The following ALDH4A1 variants were observed in gnomAD, a reference collection of about 807,000 sequenced individuals.
The protein encoded by ALDH4A1 is delta-1-pyrroline-5-carboxylate dehydrogenase, mitochondrial.
Under a neutral mutation model 70.5 loss-of-function variants are expected in ALDH4A1, and 46 were observed. The ratio of observed to expected loss-of-function variants is 0.65; its 90% CI spans 0.51 to 0.83. ALDH4A1 has a LOEUF of 0.83. ALDH4A1 is among the 40% of genes least tolerant of loss of function. The pLI is 0.00. For synonymous variants in ALDH4A1, 323 were observed against 324.3 expected, an observed-to-expected ratio of 1.00 and a Z score of 0.04; for missense variants, 749 against 766.5, an observed-to-expected ratio of 0.98 and a Z score of 0.27.
rs1027714012 is a variant in ALDH4A1, at chr1:18,898,013, A to C, written c.62+4449T>G. On this transcript the variant is annotated intron_variant, in intron 1 of 14. Coordinates refer to ENST00000375341, the MANE Select transcript of ALDH4A1 (RefSeq NM_003748.4). This position sits in a 1 kb window ranked among gnomAD's most constrained non-coding sequence, Gnocchi z 4.3. ...GTCTTTTCCATCCCCTGAGGTGAGCAGGGTCAAAACCCTAACAGAAGGTCG... is the reference window on the plus strand; with the variant it reads ...GTCTTTTCCATCCCCTGAGGTGAGCCGGGTCAAAACCCTAACAGAAGGTCG... 1.3e-5 allele frequency among the ~76,000 whole-genome samples: 2 copies of C among 152,216 alleles called. No homozygotes were observed. Among genetic ancestry groups the C allele is most frequent in the African/African-American group, 2.4e-5 (1 of 41,546 alleles).
Position 18,890,095 on chromosome 1 carries a change from TC to T in ALDH4A1, c.72del (p.Trp24Ter), listed in dbSNP as rs2100593635. ...GCCACCTTCAGGGAGGAGGTGTGCT[TC>T]CACCGCAGGCTGGAACACAAGGGCA... The part of the protein sequence containing the change: ...SRPWTGAGLR[W>X]KHTSSLKVAN... On this transcript the variant is annotated frameshift_variant, in exon 2 of 15. Coordinates refer to ENST00000375341, the MANE Select transcript of ALDH4A1 (RefSeq NM_003748.4). LOFTEE classifies it high-confidence loss of function. 6.2e-7 allele frequency: 1 copy of T among 1,611,842 alleles called. No homozygotes were observed. Among genetic ancestry groups the T allele is most frequent in the South Asian group, 1.1e-5 (1 of 90,616 alleles).
intron 11 of ALDH4A1, 35 bp downstream of exon 11, chr1:18,877,173 C>T (rs1249744105): frequency 3.8e-6 from 6 of 1,598,156 alleles, no homozygotes; most frequent in Non-Finnish European, 5.1e-6. Flanking sequence ...CCAGGGCTTG[C>T]CCCCACCCAG....
chr1:18,877,790 C>A (rs1934782923), intron 9 of ALDH4A1, among the ~76,000 whole-genome samples, 178 bp from the exon 10 acceptor site: 2 of 152,198 alleles, frequency 1.3e-5, no homozygotes, highest in African/African-American at 4.8e-5. Flanking sequence ...ACGGGCCAGG[C>A]CCATTCTCCC....
At chr1:18,893,396 C>T (rs767130401) in intron 1 of ALDH4A1, among the ~76,000 whole-genome samples, 12 of 152,310 alleles carry the variant, frequency 7.9e-5, no homozygotes, top group African/African-American at 2.9e-4. Flanking sequence ...CATCCACACC[C>T]GATGGCAATT....
intron 1 of ALDH4A1, among the ~76,000 whole-genome samples, chr1:18,901,512 C>T (rs1329420256): frequency 6.6e-6 from 1 of 152,228 alleles, no homozygotes; most frequent in Non-Finnish European, 1.5e-5. Flanking sequence ...CTGTGTCCCA[C>T]CTACCTCTCC....
At position 18,876,479 on chromosome 1, in the gene ALDH4A1, A is replaced by G. The variant is rs937694713; in HGVS notation, c.1186-12T>C. ...ATACGGGCAAAGGACTGGGGTGGGC[A>G]GGGAGGAGGGAGGTCTAAGAGGCTG... On this transcript the variant is annotated splice_polypyrimidine_tract_variant and intron_variant, in intron 11 of 14. Coordinates refer to ENST00000375341, the MANE Select transcript of ALDH4A1 (RefSeq NM_003748.4). The G allele has an allele frequency of 3.2e-6, 5 of 1,572,624 alleles. No individual in the cohort carries two copies. Among genetic ancestry groups the G allele is most frequent in the Non-Finnish European group, 4.3e-6 (5 of 1,163,440 alleles).
Position 18,885,427 on chromosome 1 carries a change from T to TTCC in ALDH4A1, c.453+45_453+46insGGA. The stretch of plus-strand genomic sequence containing the variant: ...CTGCCATGGGTAGGGCACACCTGAC[T>TTCC]CCCACCCCACCCCGCCCCACCCACC... On this transcript the variant is annotated intron_variant, in intron 5 of 14. Coordinates refer to ENST00000375341, the MANE Select transcript of ALDH4A1 (RefSeq NM_003748.4). 8.0e-5 allele frequency: 52 copies of TTCC among 650,916 alleles called. 5 individuals carry two copies. Among genetic ancestry groups the TTCC allele is most frequent in the Non-Finnish European group, 1.3e-4 (46 of 367,428 alleles). The allele number at this position is 650,916 out of a possible 1,614,324, so 40.3% of individuals were successfully genotyped here.
intron 5 of ALDH4A1, among the ~76,000 whole-genome samples, chr1:18,884,858 C>T (rs917932700): frequency 1.3e-5 from 2 of 152,130 alleles, no homozygotes; most frequent in Admixed American, 1.3e-4. Context: ...TCACTGAGCA[C>T]GGAAGAGACA....
In ALDH4A1 at chr1:18,880,812, A is replaced by T. The variant is rs1293663702; in HGVS notation, c.866+888T>A. ...CACTGTTAGGAGTCAAAGAAAGTAGAGCCTCTTGCCAGATCCAATTTGGGG... is the reference window on the plus strand; with the variant it reads ...CACTGTTAGGAGTCAAAGAAAGTAGTGCCTCTTGCCAGATCCAATTTGGGG... On this transcript the variant is annotated intron_variant, in intron 8 of 14. Transcript: ENST00000375341. The surrounding 1 kb of genome is among the most constrained non-coding windows in gnomAD (Gnocchi z 5.1). 6.6e-6 allele frequency among the ~76,000 whole-genome samples: 1 copy of T among 152,172 alleles called. No individual in the cohort carries two copies. Among genetic ancestry groups the T allele is most frequent in the Admixed American group, 6.5e-5 (1 of 15,276 alleles).
At chr1:18,874,762 G>C (rs1413136997) in intron 13 of ALDH4A1, among the ~76,000 whole-genome samples, 181 bp from the exon 14 acceptor site, 1 of 152,222 alleles carries the variant, frequency 6.6e-6, no homozygotes, top group Non-Finnish European at 1.5e-5. Flanking sequence ...CCCAGTCTCT[G>C]AGCCCAGCTT....
Position 18,885,491 on chromosome 1 carries a change from G to A in ALDH4A1, c.435C>T (p.Ala145=). ...ACCTCACCTGTCCCACCATGGTCTT[G>A]GCGAGGATCTCAGCCCTGCGCGGCC... is the stretch of plus-strand genomic sequence containing the variant. ...LSGPRRAEIL[A]KTMVGQGKTV... Residue 145 remains alanine, a synonymous_variant, in exon 5 of 15, where the codon GCC becomes GCT. Transcript: ENST00000375341. 6.9e-7 allele frequency: 1 copy of A among 1,456,370 alleles called. No homozygotes were observed. Among genetic ancestry groups the A allele is most frequent in the East Asian group, 2.9e-5 (1 of 34,558 alleles). 90.2% of individuals were successfully genotyped at this position (1,456,370 alleles called of 1,614,324 possible).
intron 5 of ALDH4A1, among the ~76,000 whole-genome samples, chr1:18,884,526 C>T (rs573699588): frequency 6.6e-6 from 1 of 152,184 alleles, no homozygotes; most frequent in African/African-American, 2.4e-5. Context: ...CCTCACTCAA[C>T]TTGCATTTAG....
intron 3 of ALDH4A1, among the ~76,000 whole-genome samples, chr1:18,886,829 T>A (rs1410320290): frequency 6.6e-6 from 1 of 152,356 alleles, no homozygotes; most frequent in East Asian, 1.9e-4. Context: ...GTTCGAATCC[T>A]GGCTCTGCCA....
chr1:18,890,079 A>T lies in ALDH4A1; in HGVS notation c.89T>A (p.Leu30Gln), dbSNP rs1569779981. The T allele has an allele frequency of 6.2e-7, 1 of 1,612,582 alleles. No individual in the cohort carries two copies. The highest frequency in any genetic ancestry group is 8.5e-7 in the Non-Finnish European group (1 of 1,179,688). The change falls in exon 2 of 15, where the codon CTG becomes CAG. Residue 30 changes from leucine to glutamine, a missense_variant. Physicochemically the swap from Leu to Gln is moderately radical, Grantham distance 113. Coordinates refer to ENST00000375341, the MANE Select transcript of ALDH4A1 (RefSeq NM_003748.4). ...AGLRWKHTSS[L>Q]KVANEPVLAF... is the part of the protein sequence containing the mutation. The stretch of plus-strand genomic sequence containing the variant: ...TAAGACGGGCTCGTTGGCCACCTTC[A>T]GGGAGGAGGTGTGCTTCCACCGCAG...
At chr1:18,900,956 G>A (rs1935778840) in intron 1 of ALDH4A1, 1 of 964,402 alleles carries the variant, frequency 1.0e-6, no homozygotes, top group Non-Finnish European at 1.2e-6. Flanking sequence ...AATATGGATT[G>A]CTTTCTACTA....
chr1:18,890,616 G>C, intron 1 of ALDH4A1: 1 of 894,692 alleles, frequency 1.1e-6, no homozygotes, highest in South Asian at 5.1e-5. Context: ...CCACGGTTGT[G>C]TGTCCTTGAG....
chr1:18,882,020 C>T (rs1452492355), intron 7 of ALDH4A1, 133 bp from the exon 8 acceptor site: 22 of 904,058 alleles, frequency 2.4e-5, no homozygotes, highest in South Asian at 2.0e-4. Context: ...ACATCCCCTA[C>T]CCGACCCCAC....
At chr1:18,902,428 C>T (rs1001920723) in intron 1 of ALDH4A1, 34 bp downstream of exon 1, 4 of 1,312,548 alleles carry the variant, frequency 3.0e-6, no homozygotes, top group South Asian at 2.1e-5. Context: ...CCCAGGCGCG[C>T]GCTCGGGCCG....
chr1:18,897,801 A>C (rs1935673929), intron 1 of ALDH4A1, among the ~76,000 whole-genome samples: 1 of 152,074 alleles, frequency 6.6e-6, no homozygotes, highest in African/African-American at 2.4e-5. Flanking sequence ...CATCCTCCTC[A>C]CCATACAGCT....
Sources: allele counts gnomAD v4.1 joint callset (sites outside exome capture counted in the v4.1 genomes callset), GRCh38; gene constraint gnomAD v4.1.1; non-coding constraint Gnocchi (gnomAD v3.1); transcripts MANE v1.5; gene names NCBI Gene and HGNC (gene_info 2026-07-23, HGNC 2026-07-21).